The following IL2RA variants were observed in gnomAD, a reference collection of about 807,000 sequenced individuals.
The protein encoded by IL2RA is interleukin-2 receptor subunit alpha.
Under a neutral mutation model 37.8 loss-of-function variants are expected in IL2RA, and 24 were observed. The ratio of observed to expected loss-of-function variants is 0.63; its 90% confidence interval spans 0.46 to 0.89. The LOEUF (loss-of-function observed/expected upper bound fraction) is 0.89, where lower values mean the gene tolerates loss of function less well. Among genes scored for constraint, IL2RA ranks in the 40% least tolerant of loss-of-function variants. The pLI is 0.00. For missense variants in IL2RA, 319 were observed against 348.6 expected (o/e 0.92, Z 0.68); for synonymous variants, 125 against 114.6 (o/e 1.09, Z -0.58).
At position 6,013,858 on chromosome 10, in the gene IL2RA, G is replaced by A. The variant is rs141848327; in HGVS notation, c.795-962C>T. On this transcript the variant is annotated intron_variant, in intron 7 of 7. Transcript: ENST00000379959. ...TTTTTTTTTTTTTTTTTGAGACAGC[G>A]TCTCAATCTGTCACCCAGGCTGCAG... Among the ~76,000 whole-genome samples the A allele has an allele frequency of 5.2e-3, 718 of 137,536 alleles. 4 individuals are homozygous for A. The highest frequency in any genetic ancestry group is 0.019 in the African/African-American group (685 of 36,172). 90.2% of individuals were successfully genotyped at this position (137,536 alleles called of 152,430 possible). A position where few individuals can be genotyped will look rare whatever the true frequency, so the allele number is the denominator to read the frequency against.
rs963721472 is a variant in IL2RA, at chr10:6,036,651, C to T, written c.65-10626G>A. 6.6e-6 allele frequency among the ~76,000 whole-genome samples: 1 copy of T among 152,236 alleles called. No individual in the cohort carries two copies. The highest frequency in any genetic ancestry group is 1.5e-5 in the Non-Finnish European group (1 of 68,046). Reference sequence around the variant, plus strand: ...ATACCCGCAGCTGCACTCCCATAATCTGAAAGCTGTCCCTTTAATTTTTAC... The same window carrying T: ...ATACCCGCAGCTGCACTCCCATAATTTGAAAGCTGTCCCTTTAATTTTTAC... On this transcript the variant is annotated intron_variant, in intron 1 of 7. Transcript: ENST00000379959. This position sits in a 1 kb window ranked among gnomAD's most constrained non-coding sequence, Gnocchi z 6.1.
Position 6,062,106 on chromosome 10 carries a change from C to A in IL2RA, c.46G>T (p.Val16Leu). The change falls in exon 1 of 8, where the codon GTG (valine) becomes TTG (leucine). Residue 16 changes from valine (V) to leucine (L), a missense_variant. Val to Leu is a conservative substitution (Grantham distance 32). Coordinates refer to ENST00000379959, the MANE Select transcript of IL2RA (RefSeq NM_000417.3). ...LMWGLLTFIM[V>L]PGCQAELCDD... Reference sequence around the variant, plus strand: ...CCCTTACCTGCCTGGCAGCCAGGCACCATGATGAACGTGAGCAGTCCCCAC... The same window carrying A: ...CCCTTACCTGCCTGGCAGCCAGGCAACATGATGAACGTGAGCAGTCCCCAC... 6.2e-7 allele frequency: 1 copy of A among 1,614,094 alleles called. No individual in the cohort carries two copies. Among genetic ancestry groups the A allele is most frequent in the South Asian group, 1.1e-5 (1 of 91,076 alleles).
chr10:6,026,784 G>A (rs1564544336), intron 1 of IL2RA, among the ~76,000 whole-genome samples: 1 of 152,214 alleles, frequency 6.6e-6, no homozygotes, highest in Admixed American at 6.5e-5. Flanking sequence ...GGAAGTGGAC[G>A]GGGAGATGAC....
rs902003869 is a variant in IL2RA, at chr10:6,046,707, C to T, written c.64+15381G>A. On this transcript the variant is annotated intron_variant, in intron 1 of 7. Transcript: ENST00000379959. This position sits in a 1 kb window ranked among gnomAD's most constrained non-coding sequence, Gnocchi z 4.8. ...GCATTTCTCCAGAGTTCCTTGAAAG[C>T]ATTGGTGCTCAACTATCCCTGCCTT... 1.3e-5 allele frequency among the ~76,000 whole-genome samples: 2 copies of T among 152,218 alleles called. No homozygotes were observed. Among genetic ancestry groups the T allele is most frequent in the Non-Finnish European group, 2.9e-5 (2 of 68,046 alleles).
rs902772954 is a variant in IL2RA, at chr10:6,056,750, C to T, written c.64+5338G>A. 7.3e-6 allele frequency among the ~76,000 whole-genome samples: 1 copy of T among 137,006 alleles called. No individual in the cohort carries two copies. Among genetic ancestry groups the T allele is most frequent in the African/African-American group, 2.7e-5 (1 of 37,130 alleles). 89.9% of individuals were successfully genotyped at this position (137,006 alleles called of 152,430 possible). A position where few individuals can be genotyped will look rare whatever the true frequency, so the allele number is the denominator to read the frequency against. On this transcript the variant is annotated intron_variant, in intron 1 of 7. Transcript: ENST00000379959. This position sits in a 1 kb window ranked among gnomAD's most constrained non-coding sequence, Gnocchi z 5.0. ...GCCTGGGCGACAGAGCGAAACTGTC[C>T]AAAAAAAAAAAAGATTCCCCTTTCT... is the stretch of plus-strand genomic sequence containing the variant.
intron 7 of IL2RA, among the ~76,000 whole-genome samples, chr10:6,013,132 T>C (rs1839218098): frequency 6.6e-6 from 1 of 152,144 alleles, no homozygotes; most frequent in Non-Finnish European, 1.5e-5. Flanking sequence ...CTGGCCTAAG[T>C]TTTTATATGG....
rs1285172137 is a variant in IL2RA, at chr10:6,058,699, A to G, written c.64+3389T>C. On this transcript the variant is annotated intron_variant, in intron 1 of 7. Transcript: ENST00000379959. The surrounding 1 kb of genome is among the most constrained non-coding windows in gnomAD (Gnocchi z 4.2). ...TTTTTAAAGAATTATTTTTGAGTCT[A>G]GAGGATAAAGATTTGATCACAGAAT... Among the ~76,000 whole-genome samples the G allele has an allele frequency of 1.3e-5, 2 of 152,212 alleles. No homozygotes were observed. The highest frequency in any genetic ancestry group is 2.9e-5 in the Non-Finnish European group (2 of 68,040).
At chr10:6,024,974 T>C (rs577854994) in intron 2 of IL2RA, among the ~76,000 whole-genome samples, 1 of 152,340 alleles carries the variant, frequency 6.6e-6, no homozygotes, top group Admixed American at 6.5e-5. Flanking sequence ...GGCTCACACC[T>C]ATAATTCCAG....
At chr10:6,061,845 C>G (rs1453586494) in intron 1 of IL2RA, among the ~76,000 whole-genome samples, 5 of 152,172 alleles carry the variant, frequency 3.3e-5, no homozygotes, top group Non-Finnish European at 2.9e-5. Context: ...CTATTCTTCC[C>G]AGAATTAATT....
Position 6,054,385 on chromosome 10 carries a change from G to C in IL2RA, c.64+7703C>G, listed in dbSNP as rs1334563107. ...ATGTGGTGCTGGTGATAAGTGATCA[G>C]TGACCCATTGAACCGAGGACGTCTA... On this transcript the variant is annotated intron_variant, in intron 1 of 7. Transcript: ENST00000379959. This position sits in a 1 kb window ranked among gnomAD's most constrained non-coding sequence, Gnocchi z 4.5. Among the ~76,000 whole-genome samples, 1 of 152,212 alleles carries C rather than the reference G, an allele frequency of 6.6e-6. No homozygotes were observed. The highest frequency in any genetic ancestry group is 2.4e-5 in the African/African-American group (1 of 41,448).
In IL2RA at chr10:6,021,761, C is replaced by G; in HGVS notation, c.368-68G>C. ...CACCGCGAGTGAGTCCAGGTTGCCT[C>G]TTGCTAGGGACTGGACCTTGGTTCT... On this transcript the variant is annotated intron_variant, in intron 3 of 7. Coordinates refer to ENST00000379959, the MANE Select transcript of IL2RA (RefSeq NM_000417.3). The surrounding 1 kb of genome is among the most constrained non-coding windows in gnomAD (Gnocchi z 4.9). 7.9e-7 allele frequency: 1 copy of G among 1,268,908 alleles called. No homozygotes were observed. The highest frequency in any genetic ancestry group is 1.1e-6 in the Non-Finnish European group (1 of 870,558). 78.6% of individuals were successfully genotyped at this position (1,268,908 alleles called of 1,614,324 possible). A position where few individuals can be genotyped will look rare whatever the true frequency, so the allele number is the denominator to read the frequency against.
rs1206275166 is a variant in IL2RA, at chr10:6,044,453, T to C, written c.64+17635A>G. ...TTAAGGGGCAGTTTGCAGAAATTTC[T>C]AGGGAAGGGGTAGTAACTTTTGGGT... On this transcript the variant is annotated intron_variant, in intron 1 of 7. Coordinates refer to ENST00000379959, the MANE Select transcript of IL2RA (RefSeq NM_000417.3). This position sits in a 1 kb window ranked among gnomAD's most constrained non-coding sequence, Gnocchi z 4.5. Among the ~76,000 whole-genome samples, 1 of 152,200 alleles carries C rather than the reference T, an allele frequency of 6.6e-6. No individual in the cohort carries two copies. Among genetic ancestry groups the C allele is most frequent in the Non-Finnish European group, 1.5e-5 (1 of 68,022 alleles).
In IL2RA at chr10:6,019,735, G is replaced by T. The variant is rs1673242626; in HGVS notation, c.655+135C>A. 7.8e-6 allele frequency: 7 copies of T among 896,938 alleles called. No individual in the cohort carries two copies. In the Admixed American group the frequency reaches 1.3e-4, roughly 17 times the overall value. The allele number at this position is 896,938 out of a possible 1,614,324, so 55.6% of individuals were successfully genotyped here. ...TGCAGGTTGCTGAGGCCCTGTCCCT[G>T]CTCAGAGGGAGAGGAGGCTGCTGTG... On this transcript the variant is annotated intron_variant, in intron 5 of 7. Coordinates refer to ENST00000379959, the MANE Select transcript of IL2RA (RefSeq NM_000417.3).
Position 6,051,817 on chromosome 10 carries a change from CTATATA to C in IL2RA, c.64+10265_64+10270del, listed in dbSNP as rs61008683. Among the ~76,000 whole-genome samples, 147 of 33,682 alleles carry C rather than the reference CTATATA, an allele frequency of 4.4e-3. 17 individuals are homozygous for C. The highest frequency in any genetic ancestry group is 0.015 in the Middle Eastern group (1 of 66). 22.1% of individuals were successfully genotyped at this position (33,682 alleles called of 152,430 possible). ...TACAGACGTGAGCCATCATGCCCAGCTATATATATATATATATATATATATAGAATT... is the reference window on the plus strand; with the variant it reads ...TACAGACGTGAGCCATCATGCCCAGCTATATATATATATATATATAGAATT... On this transcript the variant is annotated intron_variant, in intron 1 of 7. Transcript: ENST00000379959.
rs12722487 is a variant in IL2RA, at chr10:6,061,538, G to A, written c.64+550C>T. On this transcript the variant is annotated intron_variant, in intron 1 of 7. Transcript: ENST00000379959. ...AGTATGCATATTTTTAAAAATTTCT[G>A]TAAAGTTGCACTTGTAAGGAAATTC... 6.9e-3 allele frequency among the ~76,000 whole-genome samples: 1,055 copies of A among 152,280 alleles called. 7 individuals are homozygous for A. The highest frequency in any genetic ancestry group is 8.7e-3 in the Non-Finnish European group (594 of 68,018).
At chr10:6,038,770 A>C (rs903202835) in intron 1 of IL2RA, among the ~76,000 whole-genome samples, 1 of 152,228 alleles carries the variant, frequency 6.6e-6, no homozygotes, top group African/African-American at 2.4e-5. Flanking sequence ...GAAGGCTATG[A>C]TATTGGTTAA....
chr10:6,060,201 A>G (rs1356516653), intron 1 of IL2RA, among the ~76,000 whole-genome samples: 1 of 152,106 alleles, frequency 6.6e-6, no homozygotes, highest in Non-Finnish European at 1.5e-5. Flanking sequence ...ACATTGAAAA[A>G]CCTTCCTAAA....
At chr10:6,037,069 C>G (rs187700174) in intron 1 of IL2RA, among the ~76,000 whole-genome samples, 1 of 152,098 alleles carries the variant, frequency 6.6e-6, no homozygotes, top group East Asian at 1.9e-4. Context: ...CCATCTGCCC[C>G]CTGGGTGAGG....
chr10:6,021,686 G>T lies in IL2RA; in HGVS notation c.375C>A (p.Cys125Ter), dbSNP rs2132854016. The change falls in exon 4 of 8, where the codon TGC (cysteine) becomes TGA (stop). Residue 125 changes from cysteine (C) to a stop codon, truncating the protein, a stop_gained. Transcript: ENST00000379959. LOFTEE classifies it high-confidence loss of function. The surrounding 1 kb of genome is among the most constrained non-coding windows in gnomAD (Gnocchi z 4.9). ...PVDQASLPGH[C>*]REPPPWENEA... ...CATTTTCCCATGGTGGAGGTTCCCT[G>T]CAGTGACCTGGAAGATGGAAGGAAT... is the stretch of plus-strand genomic sequence containing the variant. The T allele has an allele frequency of 1.9e-6, 3 of 1,614,036 alleles. No homozygotes were observed. The highest frequency in any genetic ancestry group is 2.5e-6 in the Non-Finnish European group (3 of 1,179,948).
Sources: gnomAD v4.1 joint callset for allele counts (sites outside exome capture counted in the v4.1 genomes callset) on GRCh38, gnomAD v4.1.1 for gene constraint, Gnocchi (gnomAD v3.1) non-coding constraint, MANE v1.5 for transcripts, NCBI Gene and HGNC (gene_info 2026-07-23, HGNC 2026-07-21) for gene names.